Variants in STAG1 observed in about 807,000 individuals in gnomAD.
STAG1 encodes cohesin subunit SA-1.
In STAG1, 26 loss-of-function variants were observed where a neutral mutation model predicts 170.9. The ratio of observed to expected loss-of-function variants is 0.15; its 90% CI spans 0.11 to 0.21. STAG1 has a LOEUF of 0.21. Among genes scored for constraint, STAG1 ranks in the 10% least tolerant of loss-of-function variants. The pLI is 1.00. For synonymous variants in STAG1, 514 were observed against 497.7 expected (o/e 1.03, Z -0.44); for missense variants, 964 against 1,509.5 (o/e 0.64, Z 5.99).
intron 9 of STAG1, 87 bp from the exon 10 acceptor site, chr3:136,477,499 C>G: frequency 8.0e-7 from 1 of 1,242,332 alleles, no homozygotes; most frequent in Non-Finnish European, 1.1e-6. Flanking sequence ...ATAAATATTT[C>G]TAATGCTGTT....
chr3:136,632,680 C>T lies in STAG1; in HGVS notation c.-83-1699G>A, dbSNP rs550811949. Among the ~76,000 whole-genome samples, 35 of 152,134 alleles carry T rather than the reference C, an allele frequency of 2.3e-4. No homozygotes were observed. The South Asian group carries it at 6.6e-3, about 29-fold the overall frequency. Reference sequence around the variant, plus strand: ...GACTAAGGGCTTTCAAAGACTCCCACGTATTCTGGGGAATTCAAGGTGCTA... The same window carrying T: ...GACTAAGGGCTTTCAAAGACTCCCATGTATTCTGGGGAATTCAAGGTGCTA... On this transcript the variant is annotated intron_variant, in intron 1 of 33. Transcript: ENST00000383202.
intron 15 of STAG1, among the ~76,000 whole-genome samples, chr3:136,441,223 G>A (rs1365811919): frequency 6.6e-6 from 1 of 151,954 alleles, no homozygotes; most frequent in East Asian, 1.9e-4. Context: ...AGTAGAGACG[G>A]GGTTTTGCCA....
intron 1 of STAG1, among the ~76,000 whole-genome samples, chr3:136,696,368 T>C (rs955377417): frequency 2.6e-5 from 4 of 152,186 alleles, no homozygotes; most frequent in African/African-American, 9.6e-5. Context: ...TAGCTAGGTA[T>C]GACAATTAAC....
intron 16 of STAG1, among the ~76,000 whole-genome samples, chr3:136,427,903 G>T (rs1705057520): frequency 6.6e-6 from 1 of 152,098 alleles, no homozygotes; most frequent in Non-Finnish European, 1.5e-5. Context: ...GCCAGCAAAG[G>T]ATAGTTTGAT....
At chr3:136,582,975 CAT>C (rs1444983276) in intron 4 of STAG1, among the ~76,000 whole-genome samples, 1 of 152,102 alleles carries the variant, frequency 6.6e-6, no homozygotes, top group Non-Finnish European at 1.5e-5. Context: ...TCTCTTTGTG[CAT>C]AGACTAGTGT....
At chr3:136,495,940 C>G (rs1933059852) in intron 9 of STAG1, among the ~76,000 whole-genome samples, 1 of 141,614 alleles carries the variant, frequency 7.1e-6, no homozygotes, top group Non-Finnish European at 1.5e-5. Context: ...CACTGCACTC[C>G]AGCCTGGGTG....
At chr3:136,690,033 CTG>C (rs1186129556) in intron 1 of STAG1, among the ~76,000 whole-genome samples, 3 of 106,700 alleles carry the variant, frequency 2.8e-5, no homozygotes, top group African/African-American at 1.2e-4. Context: ...GGGTGAGATT[CTG>C]TAACAAAAGA....
intron 23 of STAG1, among the ~76,000 whole-genome samples, chr3:136,377,335 C>T (rs1218767650): frequency 7.5e-6 from 1 of 133,246 alleles, no homozygotes; most frequent in Non-Finnish European, 1.6e-5. Context: ...TGCAGTGAGC[C>T]GAGATTGCGC....
At chr3:136,638,880 C>A (rs541954358) in intron 1 of STAG1, among the ~76,000 whole-genome samples, 1 of 152,078 alleles carries the variant, frequency 6.6e-6, no homozygotes, top group East Asian at 1.9e-4. Context: ...CCAGCCTGGG[C>A]AACAGAGGGA....
chr3:136,731,304 C>G (rs540175042), intron 1 of STAG1, among the ~76,000 whole-genome samples: 1 of 151,652 alleles, frequency 6.6e-6, no homozygotes, highest in South Asian at 2.1e-4. Flanking sequence ...TGGATATTTG[C>G]TGGAATACAC....
At position 136,337,026 on chromosome 3, in the gene STAG1, ACT is replaced by A. The variant is rs755956422; in HGVS notation, c.*1226_*1227del. On this transcript the variant is annotated 3_prime_UTR_variant, in exon 34 of 34. Transcript: ENST00000383202. Reference sequence around the variant, plus strand: ...GTCATAAAAGTCTAGGCAGAATGTAACTCTAAACCATTGTAGACTGTCCTGAA... The same window carrying A: ...GTCATAAAAGTCTAGGCAGAATGTAACTAAACCATTGTAGACTGTCCTGAA... 2 of 152,512 alleles carry A rather than the reference ACT, an allele frequency of 1.3e-5. No homozygotes were observed. Among genetic ancestry groups the A allele is most frequent in the African/African-American group, 4.8e-5 (2 of 41,426 alleles). The allele number at this position is 152,512 out of a possible 1,614,324, so 9.4% of individuals were successfully genotyped here.
At chr3:136,728,593 T>C (rs1933822855) in intron 1 of STAG1, among the ~76,000 whole-genome samples, 1 of 152,146 alleles carries the variant, frequency 6.6e-6, no homozygotes. Flanking sequence ...CTAAGAACAG[T>C]AGTTGGCATC....
chr3:136,651,748 A>C (rs1397437839), intron 1 of STAG1, among the ~76,000 whole-genome samples: 2 of 152,182 alleles, frequency 1.3e-5, no homozygotes, highest in Admixed American at 6.5e-5. Context: ...TACCTCAAGA[A>C]GGGGAGGAAA....
At chr3:136,351,744 A>C (rs1936440354) in intron 28 of STAG1, among the ~76,000 whole-genome samples, 1 of 152,216 alleles carries the variant, frequency 6.6e-6, no homozygotes, top group African/African-American at 2.4e-5. Context: ...TCTCAGGAAT[A>C]ATCAGAGAGG....
At chr3:136,692,679 A>T (rs1290358767) in intron 1 of STAG1, among the ~76,000 whole-genome samples, 1 of 152,174 alleles carries the variant, frequency 6.6e-6, no homozygotes, top group Admixed American at 6.5e-5. Flanking sequence ...CTATCAGTTG[A>T]TATGAAAGTA....
chr3:136,401,912 T>A (rs912723139), intron 21 of STAG1, among the ~76,000 whole-genome samples: 3 of 152,100 alleles, frequency 2.0e-5, no homozygotes, highest in Non-Finnish European at 2.9e-5. Context: ...GCCTGACTAA[T>A]TTTTGTATTT....
intron 6 of STAG1, among the ~76,000 whole-genome samples, chr3:136,528,495 C>CCG (rs34130364): frequency 0.64 from 45,738 of 72,010 alleles, 11,997 homozygotes; most frequent in East Asian, 0.86. Context: ...TGTCCCCGCA[C>CCG]CCCCCCCCCC....
chr3:136,386,756 C>T (rs764827682), intron 22 of STAG1, among the ~76,000 whole-genome samples: 16 of 151,838 alleles, frequency 1.1e-4, no homozygotes, highest in Non-Finnish European at 1.8e-4. Context: ...AGGCTTTGTT[C>T]CAAAATTTTA....
At chr3:136,390,428 A>C (rs575417938) in intron 22 of STAG1, among the ~76,000 whole-genome samples, 1 of 152,320 alleles carries the variant, frequency 6.6e-6, no homozygotes, top group South Asian at 2.1e-4. Flanking sequence ...GATATTAAAC[A>C]AGACCTGTAT....
Sources: gnomAD v4.1 joint callset for allele counts (sites outside exome capture counted in the v4.1 genomes callset) on GRCh38, gnomAD v4.1.1 for gene constraint, MANE v1.5 for transcripts, NCBI Gene and HGNC (gene_info 2026-07-23, HGNC 2026-07-21) for gene names.